Variants in FRMD4A observed in about 807,000 individuals in gnomAD.
FRMD4A encodes the protein FERM domain containing 4A.
Under a neutral mutation model 129.1 loss-of-function variants are expected in FRMD4A, and 29 were observed. That is an observed-to-expected ratio of 0.22 (90% CI 0.17 to 0.31). The LOEUF is 0.31. Among genes scored for constraint, FRMD4A ranks in the 10% least tolerant of loss-of-function variants. FRMD4A has a pLI of 1.00. For missense variants in FRMD4A, 1,272 were observed against 1,375.8 expected, an observed-to-expected ratio of 0.92 and a Z score of 1.19; for synonymous variants, 634 against 571.6, an observed-to-expected ratio of 1.11 and a Z score of -1.56.
At chr10:13,887,986 G>C (rs1358961961) in intron 2 of FRMD4A, among the ~76,000 whole-genome samples, 1 of 152,186 alleles carries the variant, frequency 6.6e-6, no homozygotes, top group Non-Finnish European at 1.5e-5. Flanking sequence ...TGATAAGCTG[G>C]ATTTATGCTG....
At chr10:13,742,222 T>C (rs747703) in intron 9 of FRMD4A, among the ~76,000 whole-genome samples, 5,379 of 152,246 alleles carry the variant, frequency 0.035, 222 homozygotes, top group South Asian at 0.12. Context: ...GCCCGCCTCC[T>C]GAGAAGTGAC....
intron 2 of FRMD4A, among the ~76,000 whole-genome samples, chr10:14,184,608 C>G (rs1842022922): frequency 6.6e-6 from 1 of 152,002 alleles, no homozygotes; most frequent in East Asian, 1.9e-4. Flanking sequence ...TACAAGGCAC[C>G]GTGCCCGTCT....
chr10:14,285,203 A>T (rs1845644620), intron 2 of FRMD4A, among the ~76,000 whole-genome samples: 1 of 152,240 alleles, frequency 6.6e-6, no homozygotes, highest in Admixed American at 6.5e-5. Flanking sequence ...AGTGAGGGTC[A>T]GACAAGCAAA....
rs11377448 is a variant in FRMD4A, at chr10:14,000,646, C to CAAAAAA, written c.46-141740_46-141735dup. Reference sequence around the variant, plus strand: ...TGGGTGACAGAGCAAGACGCCACCTCAAAAAAAAAAAAAAAAAAAAAAGAG... The same window carrying CAAAAAA: ...TGGGTGACAGAGCAAGACGCCACCTCAAAAAAAAAAAAAAAAAAAAAAAAAAAAGAG... On this transcript the variant is annotated intron_variant, in intron 2 of 24. Transcript: ENST00000357447. 9.0e-3 allele frequency among the ~76,000 whole-genome samples: 389 copies of CAAAAAA among 43,426 alleles called. 8 individuals carry two copies. Among genetic ancestry groups the CAAAAAA allele is most frequent in the Middle Eastern group, 0.022 (1 of 46 alleles). The allele number at this position is 43,426 out of a possible 152,430, so 28.5% of individuals were successfully genotyped here. A position where few individuals can be genotyped will look rare whatever the true frequency, so the allele number is the denominator to read the frequency against.
intron 2 of FRMD4A, among the ~76,000 whole-genome samples, chr10:14,226,401 A>T (rs1002467318): frequency 6.6e-6 from 1 of 152,208 alleles, no homozygotes; most frequent in African/African-American, 2.4e-5. Context: ...CATCGTATAC[A>T]TCAGTGTGTT....
intron 15 of FRMD4A, chr10:13,692,142 T>A (rs1024529619): frequency 7.8e-5 from 1 of 12,888 alleles, no homozygotes; most frequent in Non-Finnish European, 4.6e-4. Flanking sequence ...TTTAGCAGCT[T>A]TTTTTTTTTT....
intron 2 of FRMD4A, among the ~76,000 whole-genome samples, chr10:14,105,965 T>C (rs532647607): frequency 1.3e-5 from 2 of 152,346 alleles, no homozygotes; most frequent in East Asian, 1.9e-4. Flanking sequence ...TTGCTCTCTT[T>C]TTGTGATATC....
At chr10:14,258,808 A>T (rs1161827030) in intron 2 of FRMD4A, among the ~76,000 whole-genome samples, 2 of 152,258 alleles carry the variant, frequency 1.3e-5, no homozygotes, top group Non-Finnish European at 2.9e-5. Flanking sequence ...AAACCATGCA[A>T]GGAAATACTA....
At chr10:14,076,658 A>G (rs1395120054) in intron 2 of FRMD4A, among the ~76,000 whole-genome samples, 1 of 151,814 alleles carries the variant, frequency 6.6e-6, no homozygotes, top group Non-Finnish European at 1.5e-5. Flanking sequence ...AAAAATGTGG[A>G]TCATTGTTAG....
intron 2 of FRMD4A, among the ~76,000 whole-genome samples, chr10:14,241,683 TAAAAAAAAAAAA>T (rs71388168): frequency 0.01 from 235 of 23,400 alleles, 1 homozygote; most frequent in African/African-American, 0.038. Context: ...TTACCCTCCC[TAAAAAAAAAAAA>T]AAAAAAAAAA....
At chr10:13,869,227 TTAA>T (rs1292247688) in intron 2 of FRMD4A, among the ~76,000 whole-genome samples, 2 of 152,144 alleles carry the variant, frequency 1.3e-5, no homozygotes, top group African/African-American at 4.8e-5. Flanking sequence ...TCAGAAAACA[TTAA>T]TAATCAGTCT....
intron 15 of FRMD4A, among the ~76,000 whole-genome samples, chr10:13,687,922 A>C (rs2085249543): frequency 6.6e-6 from 1 of 152,182 alleles, no homozygotes; most frequent in Admixed American, 6.5e-5. Context: ...GCTCTGATTC[A>C]GATGGTTCAC....
At chr10:14,129,297 A>G (rs1839099565) in intron 2 of FRMD4A, among the ~76,000 whole-genome samples, 3 of 147,974 alleles carry the variant, frequency 2.0e-5, no homozygotes, top group Admixed American at 2.0e-4. Context: ...TAGAAAAACA[A>G]TGAAACAAAA....
intron 2 of FRMD4A, among the ~76,000 whole-genome samples, chr10:14,239,761 G>A (rs1330394214): frequency 6.6e-6 from 1 of 152,190 alleles, no homozygotes; most frequent in Admixed American, 6.5e-5. Context: ...TGCACAGACT[G>A]GCCAAGTGGA....
At chr10:13,685,259 T>G (rs1406157062) in intron 15 of FRMD4A, 2 of 984,842 alleles carry the variant, frequency 2.0e-6, no homozygotes, top group Non-Finnish European at 2.4e-6. Flanking sequence ...ACCAAGCACC[T>G]TTTGATGGTG....
intron 2 of FRMD4A, among the ~76,000 whole-genome samples, chr10:14,012,546 T>C (rs752557755): frequency 9.2e-5 from 14 of 151,958 alleles, no homozygotes; most frequent in Non-Finnish European, 1.5e-4. Flanking sequence ...CATTTTGCAG[T>C]GTTGGTGATA....
chr10:14,102,636 G>C (rs1173613607), intron 2 of FRMD4A, among the ~76,000 whole-genome samples: 1 of 152,156 alleles, frequency 6.6e-6, no homozygotes, highest in Non-Finnish European at 1.5e-5. Context: ...TTAGTGGGAA[G>C]GGATACTTCA....
rs190971747 is a variant in FRMD4A, at chr10:13,846,308, C to A, written c.111+12539G>T. On this transcript the variant is annotated intron_variant, in intron 3 of 24. Transcript: ENST00000357447. ...CTTTCGCACCAACTAATACATTGAA[C>A]TTTTCAGGAATGTGTTTGCTTATTA... is the stretch of plus-strand genomic sequence containing the variant. Among the ~76,000 whole-genome samples, 17 of 152,300 alleles carry A rather than the reference C, an allele frequency of 1.1e-4. No homozygotes were observed. In the East Asian group the frequency reaches 3.1e-3, roughly 28 times the overall value.
At chr10:13,836,177 T>C (rs986812062) in intron 3 of FRMD4A, among the ~76,000 whole-genome samples, 19 of 152,204 alleles carry the variant, frequency 1.2e-4, no homozygotes, top group African/African-American at 4.6e-4. Context: ...TCTGTATTTG[T>C]AGTAGAGACG....
Sources: allele counts gnomAD v4.1 joint callset (sites outside exome capture counted in the v4.1 genomes callset), GRCh38; gene constraint gnomAD v4.1.1; transcripts MANE v1.5; gene names NCBI Gene and HGNC (gene_info 2026-07-23, HGNC 2026-07-21).